DENND4C: variants seen among roughly 807,000 people sequenced by gnomAD.
DENND4C encodes the protein DENN domain containing 4C, also known as DENN domain-containing protein 4C.
DENND4C carries 108 observed loss-of-function variants against 203.0 expected under a neutral mutation model. That is an observed-to-expected ratio of 0.53 (90% CI 0.46 to 0.62). The LOEUF is 0.62. Among genes scored for constraint, DENND4C ranks in the 20% least tolerant of loss-of-function variants. The pLI, the probability that DENND4C is intolerant of heterozygous loss-of-function variation, is 0.00. For missense variants in DENND4C, 2,481 were observed against 2,301.2 expected, an observed-to-expected ratio of 1.08 and a Z score of -1.60; for synonymous variants, 871 against 792.4, an observed-to-expected ratio of 1.10 and a Z score of -1.67.
intron 1 of DENND4C, among the ~76,000 whole-genome samples, chr9:19,241,654 G>C (rs1823758615): frequency 6.6e-6 from 1 of 151,854 alleles, no homozygotes; most frequent in Non-Finnish European, 1.5e-5. Context: ...AGGTCTTCAG[G>C]GGCAATACTC....
At chr9:19,289,892 C>T (rs1359782663) in intron 4 of DENND4C, among the ~76,000 whole-genome samples, 1 of 150,922 alleles carries the variant, frequency 6.6e-6, no homozygotes, top group Non-Finnish European at 1.5e-5. Flanking sequence ...GTGTGATGTC[C>T]TTTTTTTGTT....
chr9:19,262,236 G>A (rs1829559331), intron 1 of DENND4C, among the ~76,000 whole-genome samples: 1 of 151,636 alleles, frequency 6.6e-6, no homozygotes, highest in South Asian at 2.1e-4. Flanking sequence ...ACAGGCGTGT[G>A]CCAGCATGCC....
At chr9:19,350,397 C>T (rs1287897271) in intron 23 of DENND4C, among the ~76,000 whole-genome samples, 8 of 152,160 alleles carry the variant, frequency 5.3e-5, no homozygotes, top group Admixed American at 3.3e-4. Context: ...TTCCTGATTC[C>T]ATTGGAGACA....
intron 30 of DENND4C, among the ~76,000 whole-genome samples, chr9:19,366,797 G>A (rs7872359): frequency 0.059 from 8,926 of 152,128 alleles, 839 homozygotes; most frequent in African/African-American, 0.2. Context: ...GTGTTAGTTA[G>A]GCAAGGCCTT....
In DENND4C at chr9:19,346,453, G is replaced by A. The variant is rs145080434; in HGVS notation, c.3684G>A (p.Arg1228=). 7.5e-3 allele frequency: 12,101 copies of A among 1,614,148 alleles called. 75 individuals carry two copies. The highest frequency in any genetic ancestry group is 0.015 in the Middle Eastern group (90 of 6,062). ...RDLKTVSKDL[R]NKRSSLYGIA... Reference sequence around the variant, plus strand: ...TGAAAACAGTATCCAAAGATCTGAGGAATAAGAGAAGTAGTTTATATGGTA... The same window carrying A: ...TGAAAACAGTATCCAAAGATCTGAGAAATAAGAGAAGTAGTTTATATGGTA... The change falls in exon 23 of 33, where the codon AGG becomes AGA. Residue 1228 remains arginine (R), a synonymous_variant. Coordinates refer to ENST00000434457, the MANE Select transcript of DENND4C (RefSeq NM_001330640.2).
intron 9 of DENND4C, among the ~76,000 whole-genome samples, chr9:19,301,045 G>T (rs767058055): frequency 2.6e-5 from 4 of 152,096 alleles, no homozygotes; most frequent in Non-Finnish European, 5.9e-5. Context: ...GGGTGTGGTG[G>T]CACATGCCTA....
At position 19,365,963 on chromosome 9, in the gene DENND4C, A is replaced by G. The variant is rs1433156963; in HGVS notation, c.5525-3874A>G. ...AAAGAATCCAATGTTTATGGTCTGG[A>G]AAAGTTAATATTATTAAGATGGAAG... On this transcript the variant is annotated intron_variant, in intron 30 of 32. Coordinates refer to ENST00000434457, the MANE Select transcript of DENND4C (RefSeq NM_001330640.2). 2.6e-5 allele frequency among the ~76,000 whole-genome samples: 4 copies of G among 152,318 alleles called. No individual in the cohort carries two copies. The East Asian group carries it at 7.7e-4, about 29-fold the overall frequency.
At chr9:19,324,897 T>G (rs1203039323) in intron 13 of DENND4C, among the ~76,000 whole-genome samples, 2 of 152,102 alleles carry the variant, frequency 1.3e-5, no homozygotes, top group Admixed American at 1.3e-4. Context: ...TTTTAATTTT[T>G]GGTAGAGATG....
chr9:19,247,049 G>T (rs982890330), intron 1 of DENND4C, among the ~76,000 whole-genome samples: 1 of 152,020 alleles, frequency 6.6e-6, no homozygotes, highest in Non-Finnish European at 1.5e-5. Flanking sequence ...TTCTCAATCC[G>T]TAAATTACTC....
In DENND4C at chr9:19,263,512, G is replaced by A. The variant is rs959653196; in HGVS notation, c.-17-12646G>A. ...GCTGGGATTACAGGCGTGCGCCACC[G>A]TGCCCTGCTAATTTTTTTGTGTTTT... is the stretch of plus-strand genomic sequence containing the variant. On this transcript the variant is annotated intron_variant, in intron 1 of 32. Coordinates refer to ENST00000434457, the MANE Select transcript of DENND4C (RefSeq NM_001330640.2). Among the ~76,000 whole-genome samples the A allele has an allele frequency of 1.7e-4, 25 of 150,896 alleles. 2 individuals carry two copies. Among genetic ancestry groups the A allele is most frequent in the Admixed American group, 4.6e-4 (7 of 15,130 alleles).
At position 19,342,651 on chromosome 9, in the gene DENND4C, C is replaced by T. The variant is rs1397253920; in HGVS notation, c.3023C>T (p.Ala1008Val). ...TTTCCAGAGGTGTGTGATGCCTCTG[C>T]TATTGTGGCAAAACATTCACAACCT... Reference protein sequence around the residue: ...MQTEEVCDASAIVAKHSQPSP... With the variant: ...MQTEEVCDASVIVAKHSQPSP... Residue 1008 changes from alanine (A) to valine (V), a missense_variant, in exon 22 of 33, where the codon GCT (alanine) becomes GTT (valine). By Grantham distance (64) the Ala-to-Val change is moderately conservative (BLOSUM62 0). Coordinates refer to ENST00000434457, the MANE Select transcript of DENND4C (RefSeq NM_001330640.2). 3.1e-6 allele frequency: 5 copies of T among 1,607,282 alleles called. No individual in the cohort carries two copies. The highest frequency in any genetic ancestry group is 4.2e-6 in the Non-Finnish European group (5 of 1,177,568).
chr9:19,306,893 G>A (rs1839792088), intron 10 of DENND4C, among the ~76,000 whole-genome samples: 2 of 151,916 alleles, frequency 1.3e-5, no homozygotes, highest in Admixed American at 6.6e-5. Context: ...TGATTCTCCT[G>A]CCTCAGCCTT....
chr9:19,275,696 C>T (rs1056216042), intron 1 of DENND4C, among the ~76,000 whole-genome samples: 21 of 151,970 alleles, frequency 1.4e-4, no homozygotes, highest in Non-Finnish European at 2.1e-4. Context: ...TTCTCGAGCT[C>T]CTGACCTCAG....
Position 19,257,500 on chromosome 9 carries a change from A to T in DENND4C, c.-17-18658A>T, listed in dbSNP as rs1332616250. 2.6e-5 allele frequency among the ~76,000 whole-genome samples: 4 copies of T among 152,206 alleles called. No individual in the cohort carries two copies. The East Asian group carries it at 7.7e-4, about 29-fold the overall frequency. ...TTCAGCTTCCACCTTAAAAAACTTG[A>T]AAAAGAAGAGCAAATTAAACTCTAC... On this transcript the variant is annotated intron_variant, in intron 1 of 32. Transcript: ENST00000434457.
At chr9:19,281,215 A>G (rs1274988154) in intron 2 of DENND4C, among the ~76,000 whole-genome samples, 2 of 150,482 alleles carry the variant, frequency 1.3e-5, no homozygotes, top group African/African-American at 4.9e-5. Flanking sequence ...TGGCTTTTTC[A>G]TACACATCTT....
rs550243815 is a variant in DENND4C at position 19,282,607 on chromosome 9, C to T, written c.306-4162C>T. 1.7e-4 allele frequency among the ~76,000 whole-genome samples: 26 copies of T among 149,442 alleles called. No individual in the cohort carries two copies. In the South Asian group the frequency reaches 5.1e-3, roughly 29 times the overall value. On this transcript the variant is annotated intron_variant, in intron 2 of 32. Transcript: ENST00000434457. ...GGTCTTGCCTTGTTGCCCAGGCTGG[C>T]ATTGCACTCCTAGGCTCAAGTGATC...
rs1832955398 is a variant in DENND4C, at chr9:19,276,692, T to C, written c.305+213T>C. On this transcript the variant is annotated intron_variant, in intron 2 of 32. Coordinates refer to ENST00000434457, the MANE Select transcript of DENND4C (RefSeq NM_001330640.2). ...CTTTGCATTGCCTTGAATTGTTAGA[T>C]CATTTGCTTTCAAAAGAATATTGAA... 8 of 350,802 alleles carry C rather than the reference T, an allele frequency of 2.3e-5. No individual in the cohort carries two copies. The Admixed American group carries it at 3.7e-4, about 16-fold the overall frequency. The allele number at this position is 350,802 out of a possible 1,614,324, so 21.7% of individuals were successfully genotyped here.
rs764346000 is a variant in DENND4C, at chr9:19,326,138, T to C, written c.2064T>C (p.Phe688=). 5.6e-6 allele frequency: 9 copies of C among 1,613,420 alleles called. No individual in the cohort carries two copies. The highest frequency in any genetic ancestry group is 7.6e-6 in the Non-Finnish European group (9 of 1,179,732). The change falls in exon 15 of 33, where the codon TTT becomes TTC. Residue 688 remains phenylalanine, a synonymous_variant. Coordinates refer to ENST00000434457, the MANE Select transcript of DENND4C (RefSeq NM_001330640.2). ...DDSQKSEHTV[F]IMPPEPPPDD... is the part of the protein sequence containing the mutation. The stretch of plus-strand genomic sequence containing the variant: ...CACAGAAAAGTGAGCATACTGTATT[T>C]ATAATGCCGCCAGAGCCACCTCCTG...
chr9:19,330,102 T>A (rs1357485416), intron 16 of DENND4C, among the ~76,000 whole-genome samples: 3 of 152,164 alleles, frequency 2.0e-5, no homozygotes, highest in South Asian at 2.1e-4. Context: ...CTGAAGAGAA[T>A]ACTAAAGAAT....
Sources: allele counts gnomAD v4.1 joint callset (sites outside exome capture counted in the v4.1 genomes callset), GRCh38; gene constraint gnomAD v4.1.1; transcripts MANE v1.5; gene names NCBI Gene and HGNC (gene_info 2026-07-23, HGNC 2026-07-21).